The following CDH13 variants were observed in gnomAD, a reference collection of about 807,000 sequenced individuals.
The protein encoded by CDH13 is cadherin 13.
A neutral mutation model predicts 63.8 loss-of-function variants in CDH13; 24 were observed. The observed-to-expected ratio is 0.38, with a 90% CI of 0.27 to 0.53. CDH13 has a LOEUF of 0.53. CDH13 is among the 20% of genes least tolerant of loss of function. The probability of loss-of-function intolerance (pLI) is 0.85; values close to 1 mark genes in which losing one functional copy is unlikely to be tolerated. For missense variants in CDH13, 1,049 were observed against 903.1 expected (o/e 1.16, Z -2.07); for synonymous variants, 503 against 355.3 (o/e 1.42, Z -4.67).
chr16:83,481,608 G>GGCTGTCCTTT, intron 6 of CDH13, among the ~76,000 whole-genome samples: 1 of 152,362 alleles, frequency 6.6e-6, no homozygotes, highest in East Asian at 1.9e-4. Context: ...CAGCCTGTCA[G>GGCTGTCCTTT]GCTGGCGGCC....
chr16:82,951,263 C>T (rs76385816), intron 2 of CDH13, among the ~76,000 whole-genome samples: 2,618 of 152,246 alleles, frequency 0.017, 38 homozygotes, highest in Non-Finnish European at 0.028. Context: ...CACCCCATCC[C>T]AATCTCTGGA....
At chr16:83,773,643 C>A (rs1439430520) in intron 11 of CDH13, among the ~76,000 whole-genome samples, 2 of 152,168 alleles carry the variant, frequency 1.3e-5, no homozygotes, top group Non-Finnish European at 2.9e-5. Flanking sequence ...CAAAGCCAAA[C>A]CATATCAGGG....
chr16:82,855,213 A>G (rs781543590), intron 1 of CDH13, among the ~76,000 whole-genome samples: 7 of 152,084 alleles, frequency 4.6e-5, no homozygotes, highest in Non-Finnish European at 8.8e-5. Context: ...TTTATTTTGT[A>G]ACTGTAGAGG....
At chr16:82,635,144 C>A (rs1404827628) in intron 1 of CDH13, among the ~76,000 whole-genome samples, 3 of 152,226 alleles carry the variant, frequency 2.0e-5, no homozygotes, top group Non-Finnish European at 2.9e-5. Flanking sequence ...CTGTTGTGGT[C>A]CACATTGTGG....
At chr16:83,424,605 G>C (rs1007097141) in intron 6 of CDH13, among the ~76,000 whole-genome samples, 74 of 152,104 alleles carry the variant, frequency 4.9e-4, no homozygotes, top group African/African-American at 1.7e-3. Context: ...TTTTGGAAGG[G>C]TCACTAAGCC....
chr16:82,711,170 G>T (rs188290861), intron 1 of CDH13, among the ~76,000 whole-genome samples: 3 of 152,274 alleles, frequency 2.0e-5, no homozygotes, highest in Admixed American at 6.5e-5. Context: ...AGTGACCGCA[G>T]TGTGGAGGTT....
At chr16:83,454,571 G>A (rs900905862) in intron 6 of CDH13, among the ~76,000 whole-genome samples, 3 of 152,068 alleles carry the variant, frequency 2.0e-5, no homozygotes, top group Non-Finnish European at 4.4e-5. Flanking sequence ...TAATGACTGT[G>A]TAATGGTCCA....
intron 5 of CDH13, among the ~76,000 whole-genome samples, chr16:83,242,005 T>C (rs915751025): frequency 6.6e-6 from 1 of 152,184 alleles, no homozygotes. Flanking sequence ...TTTGAGCTGA[T>C]TTTTGTATAC....
chr16:82,817,827 A>G (rs1237727044), intron 1 of CDH13, among the ~76,000 whole-genome samples: 1 of 152,168 alleles, frequency 6.6e-6, no homozygotes, highest in East Asian at 1.9e-4. Flanking sequence ...GAAAAACCAC[A>G]TATAGTTATA....
intron 2 of CDH13, among the ~76,000 whole-genome samples, chr16:83,006,836 G>A (rs1913549027): frequency 6.6e-6 from 1 of 152,082 alleles, no homozygotes; most frequent in African/African-American, 2.4e-5. Context: ...CTGAAGTAAG[G>A]AACAATGTAA....
intron 7 of CDH13, among the ~76,000 whole-genome samples, chr16:83,556,865 C>T (rs759928661): frequency 3.3e-5 from 5 of 152,220 alleles, no homozygotes; most frequent in Admixed American, 1.3e-4. Flanking sequence ...AACGTTGAAG[C>T]GCCTCCTGGG....
chr16:83,429,682 C>T (rs113562239), intron 6 of CDH13, among the ~76,000 whole-genome samples: 1 of 152,218 alleles, frequency 6.6e-6, no homozygotes, highest in African/African-American at 2.4e-5. Context: ...AGAACTTGTG[C>T]TCTGCTTCTG....
At chr16:83,621,794 C>G (rs1288475047) in intron 8 of CDH13, among the ~76,000 whole-genome samples, 1 of 152,026 alleles carries the variant, frequency 6.6e-6, no homozygotes, top group East Asian at 1.9e-4. Flanking sequence ...GCCACCTCAC[C>G]TGCCTTTCTG....
Position 83,626,371 on chromosome 16 carries a change from G to A in CDH13, c.1101+23777G>A, listed in dbSNP as rs529887766. ...GAATAACATGATTGGCGTTGTCACC[G>A]GGATAACTGCAGGAGAGATGTGAAA... On this transcript the variant is annotated intron_variant, in intron 8 of 13. Coordinates refer to ENST00000567109, the MANE Select transcript of CDH13 (RefSeq NM_001257.5). 3.5e-4 allele frequency among the ~76,000 whole-genome samples: 53 copies of A among 152,292 alleles called. 1 individual carries two copies. In the East Asian group the frequency reaches 4.1e-3, roughly 12 times the overall value.
intron 8 of CDH13, among the ~76,000 whole-genome samples, chr16:83,627,960 A>G (rs998195887): frequency 1.3e-5 from 2 of 152,212 alleles, no homozygotes; most frequent in East Asian, 1.9e-4. Context: ...TTTAGACCGT[A>G]TAGGGTAACT....
intron 13 of CDH13, 152 bp downstream of exon 13, chr16:83,783,624 A>G: frequency 2.7e-6 from 2 of 729,492 alleles, no homozygotes; most frequent in Admixed American, 4.0e-5. Context: ...AGAACATGTT[A>G]TATGTAAAAG....
chr16:83,198,659 C>A (rs901600086), intron 4 of CDH13, among the ~76,000 whole-genome samples: 7 of 152,160 alleles, frequency 4.6e-5, no homozygotes, highest in African/African-American at 1.7e-4. Context: ...CTTTGATGCA[C>A]ACATAATTTC....
At chr16:83,526,088 C>T (rs998969966) in intron 7 of CDH13, among the ~76,000 whole-genome samples, 1 of 152,162 alleles carries the variant, frequency 6.6e-6, no homozygotes, top group East Asian at 1.9e-4. Flanking sequence ...TAATTTGTTA[C>T]AGTAGCAATA....
intron 1 of CDH13, among the ~76,000 whole-genome samples, chr16:82,648,368 G>A (rs1243566153): frequency 6.6e-6 from 1 of 152,180 alleles, no homozygotes; most frequent in African/African-American, 2.4e-5. Context: ...CAACGCTTAG[G>A]AAGTAGTTGC....
Sources: gnomAD v4.1 joint callset for allele counts (sites outside exome capture counted in the v4.1 genomes callset) on GRCh38, gnomAD v4.1.1 for gene constraint, MANE v1.5 for transcripts, NCBI Gene and HGNC (gene_info 2026-07-23, HGNC 2026-07-21) for gene names.